Variants in INPP5D observed in about 807,000 individuals in gnomAD.
The protein encoded by INPP5D is phosphatidylinositol 3,4,5-trisphosphate 5-phosphatase 1.
INPP5D carries 33 observed loss-of-function variants against 122.9 expected under a neutral mutation model. The ratio of observed to expected loss-of-function variants is 0.27; its 90% CI spans 0.20 to 0.36. The LOEUF (loss-of-function observed/expected upper bound fraction) is 0.36. INPP5D is among the 10% of genes least tolerant of loss of function. INPP5D has a pLI of 1.00. For synonymous variants in INPP5D, 584 were observed against 576.2 expected, an observed-to-expected ratio of 1.01 and a Z score of -0.19; for missense variants, 1,053 against 1,412.7, an observed-to-expected ratio of 0.75 and a Z score of 4.08.
chr2:233,195,437 A>G lies in INPP5D; in HGVS notation c.2635A>G (p.Lys879Glu). 1 of 1,613,888 alleles carries G rather than the reference A, an allele frequency of 6.2e-7. No individual in the cohort carries two copies. The highest frequency in any genetic ancestry group is 8.5e-7 in the Non-Finnish European group (1 of 1,179,856). ...GGAGCGTGATGAATCCAGTGGGCCA[A>G]AGACCCTGAAGAGCCTCACCAGCCA... ...KTERDESSGP[K>E]TLKSLTSHDP... Residue 879 changes from lysine to glutamate, a missense_variant, in exon 24 of 27, where the codon AAG (lysine) becomes GAG (glutamate). Transcript: ENST00000445964.
intron 3 of INPP5D, among the ~76,000 whole-genome samples, chr2:233,123,433 A>G (rs1693054190): frequency 6.7e-6 from 1 of 149,926 alleles, no homozygotes; most frequent in Admixed American, 6.7e-5. Context: ...CAGCCTGGCA[A>G]CAGAGGGAGA....
intron 26 of INPP5D, chr2:233,205,068 A>G (rs567372901): frequency 4.7e-5 from 12 of 253,894 alleles, no homozygotes; most frequent in African/African-American, 2.7e-4. Flanking sequence ...TAAATCATTT[A>G]TATCTCATTG....
chr2:233,172,242 TGATGTGAGTTTAA>T (rs1259676201), intron 17 of INPP5D, among the ~76,000 whole-genome samples: 1 of 152,070 alleles, frequency 6.6e-6, no homozygotes, highest in African/African-American at 2.4e-5. Flanking sequence ...TGGTTTGCTT[TGATGTGAGTTTAA>T]GTTGAGGCAG....
At chr2:233,117,726 A>T (rs1692843775) in intron 2 of INPP5D, among the ~76,000 whole-genome samples, 1 of 152,074 alleles carries the variant, frequency 6.6e-6, no homozygotes. Flanking sequence ...GGGACTCTGG[A>T]TCGTGCACAT....
intron 23 of INPP5D, among the ~76,000 whole-genome samples, chr2:233,194,715 C>G (rs2106323656): frequency 6.6e-6 from 1 of 152,082 alleles, no homozygotes. Context: ...CTAGGCTAGT[C>G]TGGAACTCCT....
intron 1 of INPP5D, among the ~76,000 whole-genome samples, chr2:233,067,556 A>G (rs1359279600): frequency 6.6e-6 from 1 of 152,250 alleles, no homozygotes; most frequent in Non-Finnish European, 1.5e-5. Flanking sequence ...TTGGGTCTAT[A>G]TCTAGGAGCA....
At chr2:233,113,681 C>T (rs943829233) in intron 2 of INPP5D, among the ~76,000 whole-genome samples, 5 of 152,268 alleles carry the variant, frequency 3.3e-5, no homozygotes, top group Non-Finnish European at 4.4e-5. Context: ...GGGCCACTCT[C>T]GCTGGCTCTC....
At chr2:233,106,258 G>C (rs1692466383) in intron 2 of INPP5D, among the ~76,000 whole-genome samples, 1 of 152,168 alleles carries the variant, frequency 6.6e-6, no homozygotes, top group South Asian at 2.1e-4. Flanking sequence ...TAGTTGGGCT[G>C]TCTTGGACTC....
At chr2:233,064,326 G>A (rs1691153444) in intron 1 of INPP5D, among the ~76,000 whole-genome samples, 1 of 152,248 alleles carries the variant, frequency 6.6e-6, no homozygotes, top group Non-Finnish European at 1.5e-5. Context: ...AGCTGACAGT[G>A]TGGTTTTGGT....
At chr2:233,115,700 C>T (rs1238108539) in intron 2 of INPP5D, among the ~76,000 whole-genome samples, 4 of 152,206 alleles carry the variant, frequency 2.6e-5, no homozygotes, top group South Asian at 2.1e-4. Flanking sequence ...TGGCAATCCA[C>T]GTCTCTGGTT....
At chr2:233,149,359 C>T (rs973295700) in intron 9 of INPP5D, among the ~76,000 whole-genome samples, 1 of 152,152 alleles carries the variant, frequency 6.6e-6, no homozygotes, top group Non-Finnish European at 1.5e-5. Context: ...CCTTGGCTTC[C>T]TAAAGTGCTG....
intron 18 of INPP5D, among the ~76,000 whole-genome samples, chr2:233,179,473 C>G (rs545007491): frequency 6.6e-6 from 1 of 152,250 alleles, no homozygotes; most frequent in Non-Finnish European, 1.5e-5. Flanking sequence ...GCATTCAAAA[C>G]TGCTCGACAG....
In INPP5D at chr2:233,065,572, TTTCTTTCC is replaced by T. The variant is rs1197414491; in HGVS notation, c.134+4968_134+4975del. Among the ~76,000 whole-genome samples the T allele has an allele frequency of 2.2e-3, 58 of 26,282 alleles. 18 individuals are homozygous for T. Among genetic ancestry groups the T allele is most frequent in the Non-Finnish European group, 4.2e-3 (51 of 12,280 alleles). 17.2% of individuals were successfully genotyped at this position (26,282 alleles called of 152,430 possible). A position where few individuals can be genotyped will look rare whatever the true frequency, so the allele number is the denominator to read the frequency against. ...CCACTGCACCCAGCCTTTTTCTTTCTTTCTTTCCTTCTTTCTTTCTTTCTTTCTTTCTT... is the reference window on the plus strand; with the variant it reads ...CCACTGCACCCAGCCTTTTTCTTTCTTTCTTTCTTTCTTTCTTTCTTTCTT... On this transcript the variant is annotated intron_variant, in intron 1 of 26. Coordinates refer to ENST00000445964, the MANE Select transcript of INPP5D (RefSeq NM_001017915.3).
intron 11 of INPP5D, among the ~76,000 whole-genome samples, chr2:233,162,511 A>G (rs978132000): frequency 8.1e-6 from 1 of 123,212 alleles, no homozygotes; most frequent in African/African-American, 2.5e-5. Context: ...AAACATATAT[A>G]TTGTGTATTT....
At chr2:233,091,877 A>G (rs549563953) in intron 2 of INPP5D, among the ~76,000 whole-genome samples, 3 of 152,328 alleles carry the variant, frequency 2.0e-5, no homozygotes, top group African/African-American at 7.2e-5. Flanking sequence ...GACCTTGTCC[A>G]TCTTGCTCTC....
At chr2:233,101,341 A>G (rs1003345915) in intron 2 of INPP5D, among the ~76,000 whole-genome samples, 67 of 152,074 alleles carry the variant, frequency 4.4e-4, no homozygotes, top group African/African-American at 1.6e-3. Flanking sequence ...CCCCATGGGC[A>G]TGTGTGTTAT....
At chr2:233,110,256 T>C (rs1341362840) in intron 2 of INPP5D, among the ~76,000 whole-genome samples, 1 of 152,156 alleles carries the variant, frequency 6.6e-6, no homozygotes, top group South Asian at 2.1e-4. Context: ...GTTTTCAGCA[T>C]GTTGACCAGG....
At chr2:233,117,383 C>T (rs1692832149) in intron 2 of INPP5D, among the ~76,000 whole-genome samples, 2 of 152,274 alleles carry the variant, frequency 1.3e-5, no homozygotes, top group South Asian at 2.1e-4. Flanking sequence ...TCCATTTGCT[C>T]CCCAGTTCAT....
intron 2 of INPP5D, among the ~76,000 whole-genome samples, chr2:233,087,840 A>C (rs892152083): frequency 6.6e-6 from 1 of 152,104 alleles, no homozygotes; most frequent in Non-Finnish European, 1.5e-5. Flanking sequence ...CCTCCACAGG[A>C]TCCGCCGTTA....
Sources: gnomAD v4.1 joint callset for allele counts (sites outside exome capture counted in the v4.1 genomes callset) on GRCh38, gnomAD v4.1.1 for gene constraint, MANE v1.5 for transcripts, NCBI Gene and HGNC (gene_info 2026-07-23, HGNC 2026-07-21) for gene names.